Variants in STPG2 observed in about 807,000 individuals in gnomAD.
The protein encoded by STPG2 is sperm tail PG-rich repeat containing 2.
A neutral mutation model predicts 54.2 loss-of-function variants in STPG2; 56 were observed. The observed-to-expected ratio is 1.03, with a 90% CI of 0.83 to 1.29. STPG2 has a LOEUF of 1.29. Among genes scored for constraint, STPG2 ranks in the 50% most tolerant of loss-of-function variants. STPG2 has a pLI of 0.00. For synonymous variants in STPG2, 200 were observed against 181.8 expected (o/e 1.10, Z -0.81); for missense variants, 596 against 544.9 (o/e 1.09, Z -0.93).
At chr4:98,064,868 A>T (rs867952395) in intron 5 of STPG2, among the ~76,000 whole-genome samples, 4 of 152,138 alleles carry the variant, frequency 2.6e-5, no homozygotes, top group Admixed American at 2.6e-4. Context: ...ATTCCAAATT[A>T]AAAAATTTTA....
intron 8 of STPG2, among the ~76,000 whole-genome samples, chr4:97,884,303 C>A (rs1479776534): frequency 1.3e-5 from 2 of 152,040 alleles, no homozygotes; most frequent in Non-Finnish European, 2.9e-5. Flanking sequence ...TAACCCTAAC[C>A]CTCAGTACCT....
At position 97,833,054 on chromosome 4, in the gene STPG2, C is replaced by T. The variant is rs1472249438; in HGVS notation, c.1204+7719G>A. On this transcript the variant is annotated intron_variant, in intron 9 of 10. Transcript: ENST00000295268. ...CCAAAAGGAGCCCGCATTGCCAAGA[C>T]AATCCTAAGCAAAAAGAAAAAAAGC... Among the ~76,000 whole-genome samples, 71 of 152,096 alleles carry T rather than the reference C, an allele frequency of 4.7e-4. 1 individual carries two copies. The highest frequency in any genetic ancestry group is 4.6e-3 in the Admixed American group (71 of 15,274).
chr4:97,644,773 AC>A (rs1721864270), intron 10 of STPG2, among the ~76,000 whole-genome samples: 1 of 152,032 alleles, frequency 6.6e-6, no homozygotes, highest in African/African-American at 2.4e-5. Context: ...TAATTAACAG[AC>A]CAGTAACATA....
chr4:98,085,203 C>A (rs992139873), intron 5 of STPG2, among the ~76,000 whole-genome samples: 4 of 152,004 alleles, frequency 2.6e-5, no homozygotes, highest in Non-Finnish European at 5.9e-5. Context: ...GACTTTCCAT[C>A]CTCTTTGAAT....
chr4:97,850,778 G>A (rs558147144), intron 8 of STPG2, among the ~76,000 whole-genome samples: 1 of 152,008 alleles, frequency 6.6e-6, no homozygotes, highest in South Asian at 2.1e-4. Context: ...CCCTCAAGCT[G>A]CAAGGGAACC....
chr4:98,115,322 A>G (rs1034286722), intron 3 of STPG2, among the ~76,000 whole-genome samples: 1 of 152,046 alleles, frequency 6.6e-6, no homozygotes, highest in Non-Finnish European at 1.5e-5. Flanking sequence ...TGTCAGTATC[A>G]TCATTCCAAT....
chr4:97,521,088 ACT>A (rs1304500003), intron 4 of STPG2, among the ~76,000 whole-genome samples: 1 of 152,044 alleles, frequency 6.6e-6, no homozygotes. Context: ...AAAATACTCC[ACT>A]GTTTGTTACT....
At chr4:97,997,053 A>G (rs1216316786) in intron 5 of STPG2, among the ~76,000 whole-genome samples, 2 of 152,246 alleles carry the variant, frequency 1.3e-5, no homozygotes, top group Non-Finnish European at 2.9e-5. Flanking sequence ...AACTTAAAAC[A>G]GAATTATCAT....
At chr4:97,706,501 A>AT (rs1463296759) in intron 10 of STPG2, among the ~76,000 whole-genome samples, 3 of 152,136 alleles carry the variant, frequency 2.0e-5, no homozygotes, top group Admixed American at 6.6e-5. Context: ...AAAACACTAA[A>AT]TTTTATCTAG....
At chr4:97,981,101 A>G in intron 6 of STPG2, 58 bp downstream of exon 6, 2 of 1,553,650 alleles carry the variant, frequency 1.3e-6, no homozygotes, top group Non-Finnish European at 1.7e-6. Flanking sequence ...CATCTTGTTA[A>G]GAACATTAAG....
At chr4:97,563,737 A>G (rs1017569442) in intron 10 of STPG2, among the ~76,000 whole-genome samples, 1 of 152,148 alleles carries the variant, frequency 6.6e-6, no homozygotes, top group East Asian at 1.9e-4. Flanking sequence ...GTTTCCATGT[A>G]GTTGAGTGCT....
At chr4:98,106,309 G>T (rs1739187693) in intron 4 of STPG2, among the ~76,000 whole-genome samples, 1 of 151,798 alleles carries the variant, frequency 6.6e-6, no homozygotes, top group Non-Finnish European at 1.5e-5. Context: ...ATTACAAAAA[G>T]AAAATAAGAT....
chr4:97,860,018 T>A (rs7699644), intron 8 of STPG2, among the ~76,000 whole-genome samples: 24,598 of 152,208 alleles, frequency 0.16, 2,161 homozygotes, highest in East Asian at 0.36. Context: ...GTTTGCATTG[T>A]CAAAGATCAG....
intron 5 of STPG2, among the ~76,000 whole-genome samples, chr4:98,049,749 A>T (rs571071455): frequency 7.9e-6 from 1 of 126,548 alleles, no homozygotes; most frequent in Non-Finnish European, 1.8e-5. Flanking sequence ...TCAACTCCTA[A>T]TAAATAATAG....
At chr4:97,530,318 T>C (rs753798220) in intron 4 of STPG2, among the ~76,000 whole-genome samples, 6 of 152,220 alleles carry the variant, frequency 3.9e-5, no homozygotes, top group Non-Finnish European at 8.8e-5. Context: ...TTTACTTTTC[T>C]ATCTGTGATA....
In STPG2 at chr4:97,451,739, T is replaced by C. The variant is rs1729370781; in HGVS notation, c.462+260960A>G. Among the ~76,000 whole-genome samples the C allele has an allele frequency of 3.3e-5, 5 of 152,288 alleles. No individual in the cohort carries two copies. The South Asian group carries it at 1.0e-3, about 32-fold the overall frequency. On this transcript the variant is annotated intron_variant, in intron 4 of 4. Transcript: ENST00000522676. ...AGATGTATATAAATTATGAATAAAA[T>C]ATAGTGGAATTGAGAGACTCTCCAT...
intron 10 of STPG2, among the ~76,000 whole-genome samples, chr4:97,635,406 T>C (rs534608948): frequency 1.3e-5 from 2 of 152,236 alleles, no homozygotes; most frequent in Admixed American, 6.5e-5. Flanking sequence ...GTAAAGACCA[T>C]TGAGACTAGG....
chr4:98,042,935 G>A (rs1257154125), intron 5 of STPG2, among the ~76,000 whole-genome samples: 1 of 151,792 alleles, frequency 6.6e-6, no homozygotes, highest in African/African-American at 2.4e-5. Flanking sequence ...GAAGGGTATT[G>A]AAGTGTCCTA....
At chr4:97,757,742 G>T (rs1725775484) in intron 9 of STPG2, among the ~76,000 whole-genome samples, 1 of 152,070 alleles carries the variant, frequency 6.6e-6, no homozygotes, top group South Asian at 2.1e-4. Context: ...TTTCTGTATG[G>T]TGTATGTTTT....
Sources: allele counts gnomAD v4.1 joint callset (sites outside exome capture counted in the v4.1 genomes callset), GRCh38; gene constraint gnomAD v4.1.1; transcripts MANE v1.5; gene names NCBI Gene and HGNC (gene_info 2026-07-23, HGNC 2026-07-21).